Variants in ZFPM1 observed in about 807,000 individuals in gnomAD.
ZFPM1 encodes zinc finger protein, FOG family member 1.
In ZFPM1, 28 loss-of-function variants were observed where a neutral mutation model predicts 46.3. The observed-to-expected ratio is 0.60, with a 90% CI of 0.45 to 0.83. The LOEUF is 0.83. Among genes scored for constraint, ZFPM1 ranks in the 40% least tolerant of loss-of-function variants. The pLI is 0.00. For missense variants in ZFPM1, 1,878 were observed against 1,432.4 expected (o/e 1.31, Z -5.02); for synonymous variants, 957 against 675.9 (o/e 1.42, Z -6.45).
rs1322791491 is a variant in ZFPM1, at chr16:88,483,402, C to A, written c.41-2537C>A. Among the ~76,000 whole-genome samples, 13 of 152,332 alleles carry A rather than the reference C, an allele frequency of 8.5e-5. No individual in the cohort carries two copies. The South Asian group carries it at 2.3e-3, about 27-fold the overall frequency. On this transcript the variant is annotated intron_variant, in intron 1 of 9. Transcript: ENST00000319555. ...CCTCAGCCTTGACTGCCAGCACACC[C>A]TGGCCCCCGACCTCCCCTTCCTCCA... is the stretch of plus-strand genomic sequence containing the variant.
intron 2 of ZFPM1, among the ~76,000 whole-genome samples, chr16:88,486,785 C>G (rs979630518): frequency 4.0e-5 from 6 of 149,444 alleles, no homozygotes; most frequent in African/African-American, 7.6e-5. Context: ...CAAGTGGGTG[C>G]TGGGTGCACA....
rs1908903538 is a variant in ZFPM1, at chr16:88,480,883, C to G, written c.41-5056C>G. On this transcript the variant is annotated intron_variant, in intron 1 of 9. Coordinates refer to ENST00000319555, the MANE Select transcript of ZFPM1 (RefSeq NM_153813.3). The surrounding 1 kb of genome is among the most constrained non-coding windows in gnomAD (Gnocchi z 4.9). Reference sequence around the variant, plus strand: ...CAAGACAGTCGTTCAAAGGAGCCCCCCAGCGCCTCGCCATCAAAGCCGGGA... The same window carrying G: ...CAAGACAGTCGTTCAAAGGAGCCCCGCAGCGCCTCGCCATCAAAGCCGGGA... Among the ~76,000 whole-genome samples, 1 of 152,244 alleles carries G rather than the reference C, an allele frequency of 6.6e-6. No homozygotes were observed. The highest frequency in any genetic ancestry group is 1.9e-4 in the East Asian group (1 of 5,196).
At chr16:88,476,207 C>T (rs150428767) in intron 1 of ZFPM1, among the ~76,000 whole-genome samples, 21 of 152,042 alleles carry the variant, frequency 1.4e-4, no homozygotes, top group African/African-American at 2.4e-4. Context: ...AGGCCCCTCG[C>T]GGGAACCAAC....
chr16:88,457,259 A>G (rs1325394306), intron 1 of ZFPM1, among the ~76,000 whole-genome samples: 2 of 152,226 alleles, frequency 1.3e-5, no homozygotes, highest in Admixed American at 6.5e-5. Flanking sequence ...CTGGCCTTCC[A>G]TGCGTGGGAG....
chr16:88,497,578 T>A lies in ZFPM1; in HGVS notation c.268+8425T>A, dbSNP rs1910004738. Among the ~76,000 whole-genome samples, 1 of 151,644 alleles carries A rather than the reference T, an allele frequency of 6.6e-6. No homozygotes were observed. The highest frequency in any genetic ancestry group is 6.6e-5 in the Admixed American group (1 of 15,244). ...AGGGCGGGGGCTCAGTGCCAGGGACTGCAAGGAGCTGCCTCGGTTTTCTTG... is the reference window on the plus strand; with the variant it reads ...AGGGCGGGGGCTCAGTGCCAGGGACAGCAAGGAGCTGCCTCGGTTTTCTTG... On this transcript the variant is annotated intron_variant, in intron 3 of 9. Transcript: ENST00000319555. This position sits in a 1 kb window ranked among gnomAD's most constrained non-coding sequence, Gnocchi z 5.4.
rs749696940 is a variant in ZFPM1 at position 88,535,855 on chromosome 16, C to G, written c.*876C>G. On this transcript the variant is annotated 3_prime_UTR_variant, in exon 10 of 10. Transcript: ENST00000319555. The stretch of plus-strand genomic sequence containing the variant: ...CACACTGAGGGAGTACTTGGCTGAC[C>G]GCGTTCAGCCACGGTGTCACCGTGC... 1 of 152,126 alleles carries G rather than the reference C, an allele frequency of 6.6e-6. No individual in the cohort carries two copies. Among genetic ancestry groups the G allele is most frequent in the Non-Finnish European group, 1.5e-5 (1 of 68,064 alleles). 9.4% of individuals were successfully genotyped at this position (152,126 alleles called of 1,614,324 possible).
chr16:88,504,988 C>T (rs1033135482), intron 3 of ZFPM1, among the ~76,000 whole-genome samples: 3 of 152,262 alleles, frequency 2.0e-5, no homozygotes, highest in Admixed American at 2.0e-4. Flanking sequence ...GGTCCCAGCT[C>T]TGCCATTAGC....
intron 5 of ZFPM1, among the ~76,000 whole-genome samples, chr16:88,527,733 A>G (rs1167992408): frequency 6.6e-6 from 1 of 151,738 alleles, no homozygotes; most frequent in Non-Finnish European, 1.5e-5. Context: ...GTGGCCACCC[A>G]GGGTCTCCCC....
Position 88,453,452 on chromosome 16 carries a change from C to T in ZFPM1, c.-187C>T, listed in dbSNP as rs1025053842. 9.9e-5 allele frequency: 16 copies of T among 160,910 alleles called. No homozygotes were observed. The highest frequency in any genetic ancestry group is 4.0e-4 in the East Asian group (2 of 4,988). 10.0% of individuals were successfully genotyped at this position (160,910 alleles called of 1,614,324 possible). On this transcript the variant is annotated 5_prime_UTR_variant, in exon 1 of 10. Transcript: ENST00000319555. ...CCCGCAACGCAGGACCGTGGCCTCT[C>T]GGGCCTCCGCGGCAGCTCCAGCGGC...
intron 1 of ZFPM1, among the ~76,000 whole-genome samples, chr16:88,483,277 C>A (rs893760686): frequency 6.6e-6 from 1 of 150,642 alleles, no homozygotes; most frequent in Non-Finnish European, 1.5e-5. Context: ...GGCACCTGCC[C>A]CTCCTGTCCA....
intron 1 of ZFPM1, among the ~76,000 whole-genome samples, chr16:88,485,152 C>T (rs1035883120): frequency 5.3e-5 from 8 of 152,148 alleles, no homozygotes; most frequent in African/African-American, 2.4e-5. Flanking sequence ...TGATGCCAGG[C>T]GGAGGCCGTG....
intron 3 of ZFPM1, among the ~76,000 whole-genome samples, chr16:88,492,739 A>G (rs1027147278): frequency 5.3e-5 from 8 of 152,148 alleles, no homozygotes; most frequent in African/African-American, 1.9e-4. Context: ...CAGCTCCACC[A>G]TGGGTCCAGC....
At chr16:88,530,714 A>AAC (rs34241234) in intron 6 of ZFPM1, 132,990 of 152,152 alleles carry the variant, frequency 0.87, 58,671 homozygotes, top group Non-Finnish European at 0.94. Context: ...CCCCTGCAGC[A>AAC]AGAGTCCCCC....
intron 1 of ZFPM1, among the ~76,000 whole-genome samples, chr16:88,465,536 C>T (rs1229291482): frequency 2.6e-5 from 4 of 152,334 alleles, no homozygotes; most frequent in Admixed American, 6.5e-5. Flanking sequence ...GTGGGCATTT[C>T]GCCTGTGTGG....
At position 88,527,072 on chromosome 16, in the gene ZFPM1, ACT is replaced by A. The variant is rs149433932; in HGVS notation, c.505+159_505+160del. ...CCGGGCGCTGCAGCATGAGGCAGACACTCTACTGGGACCAGTCAGCCCAGACC... is the reference window on the plus strand; with the variant it reads ...CCGGGCGCTGCAGCATGAGGCAGACACTACTGGGACCAGTCAGCCCAGACC... On this transcript the variant is annotated intron_variant, in intron 5 of 9. Transcript: ENST00000319555. Among the ~76,000 whole-genome samples the A allele has an allele frequency of 7.2e-3, 1,087 of 151,932 alleles. 15 individuals are homozygous for A. Among genetic ancestry groups the A allele is most frequent in the African/African-American group, 0.025 (1,025 of 41,428 alleles).
intron 6 of ZFPM1, among the ~76,000 whole-genome samples, chr16:88,531,573 C>A (rs1006607654): frequency 6.6e-6 from 1 of 152,314 alleles, no homozygotes; most frequent in South Asian, 2.1e-4. Context: ...TTCTTTGCAG[C>A]CTGGCACTCC....
At chr16:88,502,877 G>A (rs1022487698) in intron 3 of ZFPM1, among the ~76,000 whole-genome samples, 2 of 150,558 alleles carry the variant, frequency 1.3e-5, no homozygotes, top group African/African-American at 2.5e-5. Context: ...GCCCGTTTGT[G>A]GGTCTCTGCA....
At chr16:88,463,074 C>T (rs927955806) in intron 1 of ZFPM1, among the ~76,000 whole-genome samples, 10 of 152,346 alleles carry the variant, frequency 6.6e-5, no homozygotes, top group African/African-American at 1.9e-4. Context: ...CACCCATCAC[C>T]GCCTCCTGCC....
At chr16:88,493,140 GGGAGAGCTGTCCCGGGGTGA>G (rs1909693770) in intron 3 of ZFPM1, among the ~76,000 whole-genome samples, 1 of 79,820 alleles carries the variant, frequency 1.3e-5, no homozygotes, top group Non-Finnish European at 2.7e-5. Context: ...TCCCGGGGTG[GGGAGAGCTGTCCCGGGGTGA>G]GGAGAGCTGT....
Sources: gnomAD v4.1 joint callset for allele counts (sites outside exome capture counted in the v4.1 genomes callset) on GRCh38, gnomAD v4.1.1 for gene constraint, Gnocchi (gnomAD v3.1) non-coding constraint, MANE v1.5 for transcripts, NCBI Gene and HGNC (gene_info 2026-07-23, HGNC 2026-07-21) for gene names.